The following SHANK2 variants were observed in gnomAD, a reference collection of about 807,000 sequenced individuals.
SHANK2 encodes SH3 and multiple ankyrin repeat domains 2.
Under a neutral mutation model 133.7 loss-of-function variants are expected in SHANK2, and 43 were observed. The ratio of observed to expected loss-of-function variants is 0.32; its 90% CI spans 0.25 to 0.41. The LOEUF is 0.41. Among genes scored for constraint, SHANK2 ranks in the 10% least tolerant of loss-of-function variants. The pLI is 1.00. For missense variants in SHANK2, 1,994 were observed against 2,235.8 expected (o/e 0.89, Z 2.18); for synonymous variants, 1,017 against 952.8 (o/e 1.07, Z -1.24).
At chr11:70,531,265 G>C (rs181702079) in intron 17 of SHANK2, among the ~76,000 whole-genome samples, 7 of 152,258 alleles carry the variant, frequency 4.6e-5, no homozygotes, top group Non-Finnish European at 7.4e-5. Flanking sequence ...GCATGGCCCA[G>C]GCCCAGGCGC....
chr11:70,886,566 G>C (rs1365837902), intron 11 of SHANK2, among the ~76,000 whole-genome samples: 1 of 152,136 alleles, frequency 6.6e-6, no homozygotes, highest in Non-Finnish European at 1.5e-5. Context: ...CAAAATGCCA[G>C]GTAAACTGAA....
intron 11 of SHANK2, among the ~76,000 whole-genome samples, chr11:70,894,063 A>C (rs782515640): frequency 1.9e-4 from 29 of 152,282 alleles, no homozygotes; most frequent in Non-Finnish European, 2.9e-4. Context: ...AGTTGTCTGC[A>C]TCATAAATAA....
intron 15 of SHANK2, 90 bp from the exon 16 acceptor site, chr11:70,661,768 A>T: frequency 6.2e-7 from 1 of 1,614,030 alleles, no homozygotes; most frequent in Non-Finnish European, 8.5e-7. Context: ...TCATCATCAT[A>T]GCCAATTAAT....
At chr11:71,121,030 G>A (rs529243797) in intron 3 of SHANK2, among the ~76,000 whole-genome samples, 4 of 152,234 alleles carry the variant, frequency 2.6e-5, no homozygotes, top group Non-Finnish European at 4.4e-5. Flanking sequence ...TGCAGCACGG[G>A]GGCCAACCCC....
chr11:71,234,931 C>A (rs1954806499), intron 1 of SHANK2, among the ~76,000 whole-genome samples: 1 of 152,134 alleles, frequency 6.6e-6, no homozygotes, highest in Non-Finnish European at 1.5e-5. Context: ...CCAGAAAGAA[C>A]AAAACACCCA....
At chr11:70,821,827 A>G (rs1005970508) in intron 11 of SHANK2, among the ~76,000 whole-genome samples, 4 of 152,142 alleles carry the variant, frequency 2.6e-5, no homozygotes, top group African/African-American at 9.7e-5. Flanking sequence ...AGTCCTCACT[A>G]AGAAGGTGCC....
intron 11 of SHANK2, among the ~76,000 whole-genome samples, chr11:70,876,712 T>C (rs1338819148): frequency 1.3e-5 from 2 of 152,056 alleles, no homozygotes; most frequent in African/African-American, 4.8e-5. Context: ...CTGCAGCAGG[T>C]GACAACACTT....
intron 15 of SHANK2, among the ~76,000 whole-genome samples, chr11:70,669,851 T>C (rs537514908): frequency 1.3e-5 from 2 of 152,322 alleles, no homozygotes; most frequent in South Asian, 4.1e-4. Flanking sequence ...GGTGTGCTGA[T>C]GGCGGCTGGG....
chr11:71,235,249 C>A (rs1029968243), intron 1 of SHANK2, among the ~76,000 whole-genome samples: 5 of 152,136 alleles, frequency 3.3e-5, no homozygotes, highest in Non-Finnish European at 7.3e-5. Context: ...GTGGGAACTT[C>A]TGGCCCCACT....
chr11:70,951,632 G>C (rs1438202874), intron 10 of SHANK2, among the ~76,000 whole-genome samples: 1 of 151,440 alleles, frequency 6.6e-6, no homozygotes, highest in African/African-American at 2.4e-5. Context: ...CTGCTGCACT[G>C]TGACATCATA....
chr11:70,498,413 G>T (rs2059003788), intron 21 of SHANK2, among the ~76,000 whole-genome samples: 1 of 152,242 alleles, frequency 6.6e-6, no homozygotes, highest in Non-Finnish European at 1.5e-5. Context: ...GTCCTGGCCT[G>T]CAGGCTCTGA....
At chr11:70,914,798 G>A (rs1213283072) in intron 10 of SHANK2, among the ~76,000 whole-genome samples, 2 of 151,248 alleles carry the variant, frequency 1.3e-5, no homozygotes, top group Non-Finnish European at 2.9e-5. Context: ...GACTGCGAAG[G>A]GAGGATCCCT....
intron 8 of SHANK2, among the ~76,000 whole-genome samples, chr11:71,088,749 C>T (rs1447030892): frequency 6.6e-6 from 1 of 151,118 alleles, no homozygotes; most frequent in Non-Finnish European, 1.5e-5. Context: ...CACCACCCCA[C>T]CAGGGGCCGC....
intron 8 of SHANK2, among the ~76,000 whole-genome samples, chr11:71,089,449 G>A (rs1430398297): frequency 5.9e-5 from 9 of 151,792 alleles, no homozygotes; most frequent in Non-Finnish European, 1.2e-4. Flanking sequence ...GCGTGCGAGT[G>A]TGTGTGTGTG....
chr11:70,861,709 T>C (rs552756368), intron 11 of SHANK2, among the ~76,000 whole-genome samples: 75 of 152,242 alleles, frequency 4.9e-4, no homozygotes, highest in African/African-American at 1.7e-3. Context: ...CAACCTACAG[T>C]TGCCTCTGCA....
At chr11:70,903,767 C>T (rs1235073533) in intron 10 of SHANK2, among the ~76,000 whole-genome samples, 1 of 152,172 alleles carries the variant, frequency 6.6e-6, no homozygotes, top group Non-Finnish European at 1.5e-5. Context: ...ACTTCCTGTC[C>T]CCTCTCTTCT....
chr11:70,775,394 T>A (rs1217096438), intron 14 of SHANK2, among the ~76,000 whole-genome samples: 1 of 152,154 alleles, frequency 6.6e-6, no homozygotes, highest in Non-Finnish European at 1.5e-5. Context: ...AGGCGGAGGT[T>A]GCAGTGAGCC....
chr11:70,501,434 G>C (rs2135817363), intron 20 of SHANK2, among the ~76,000 whole-genome samples: 1 of 152,370 alleles, frequency 6.6e-6, no homozygotes, highest in East Asian at 1.9e-4. Context: ...CGTGGGCCTT[G>C]GGCGGGGGCT....
In SHANK2 at chr11:70,739,713, T is replaced by G. The variant is rs1433309543; in HGVS notation, c.1778-40950A>C. 3.9e-5 allele frequency among the ~76,000 whole-genome samples: 6 copies of G among 152,172 alleles called. No homozygotes were observed. The highest frequency in any genetic ancestry group is 1.4e-4 in the African/African-American group (6 of 41,434). ...ATGCTGAAAGCCTAACCCCTGCTCC[T>G]CAGAATGTGACTGTATTTGGAGATA... On this transcript the variant is annotated intron_variant, in intron 14 of 25. Transcript: ENST00000601538. The surrounding 1 kb of genome is among the most constrained non-coding windows in gnomAD (Gnocchi z 4.3).
Sources: gnomAD v4.1 joint callset for allele counts (sites outside exome capture counted in the v4.1 genomes callset) on GRCh38, gnomAD v4.1.1 for gene constraint, Gnocchi (gnomAD v3.1) non-coding constraint, MANE v1.5 for transcripts, NCBI Gene and HGNC (gene_info 2026-07-23, HGNC 2026-07-21) for gene names.